ARHGAP32: variants seen among roughly 807,000 people sequenced by gnomAD.
ARHGAP32 encodes the protein rho GTPase-activating protein 32.
Under a neutral mutation model 186.5 loss-of-function variants are expected in ARHGAP32, and 51 were observed. The observed-to-expected ratio is 0.27, with a 90% CI of 0.22 to 0.35. The LOEUF (loss-of-function observed/expected upper bound fraction) is 0.35, where lower values mean the gene tolerates loss of function less well. Among genes scored for constraint, ARHGAP32 ranks in the 10% least tolerant of loss-of-function variants. ARHGAP32 has a pLI of 1.00. For synonymous variants in ARHGAP32, 950 were observed against 964.3 expected (o/e 0.99, Z 0.27); for missense variants, 2,186 against 2,623.5 (o/e 0.83, Z 3.64).
intron 2 of ARHGAP32, among the ~76,000 whole-genome samples, chr11:129,141,554 C>T (rs1329821753): frequency 6.6e-6 from 1 of 150,650 alleles, no homozygotes; most frequent in Non-Finnish European, 1.5e-5. Flanking sequence ...CAAACCAACA[C>T]AGCACATGTA....
rs1159831252 is a variant in ARHGAP32 at position 128,974,320 on chromosome 11, T to C, written c.2877A>G (p.Glu959=). 1.2e-6 allele frequency: 2 copies of C among 1,614,214 alleles called. No individual in the cohort carries two copies. Among genetic ancestry groups the C allele is most frequent in the South Asian group, 1.1e-5 (1 of 91,086 alleles). Residue 959 remains glutamate, a synonymous_variant, in exon 21 of 23, where the codon GAA becomes GAG. Coordinates refer to ENST00000682385, the MANE Select transcript of ARHGAP32 (RefSeq NM_001378024.1). ...TGGGGGATCTATTTGTGGCATCCCT[T>C]TCTTCAACGCATTTGTCCCAGGTTG... The part of the protein sequence containing the change: ...SSSTWDKCVE[E]RDATNRSPTQ...
chr11:129,117,488 T>A (rs1471325958), intron 5 of ARHGAP32, among the ~76,000 whole-genome samples: 2 of 152,024 alleles, frequency 1.3e-5, no homozygotes, highest in African/African-American at 4.8e-5. Flanking sequence ...CTTTACTACT[T>A]CTTTCCGCCT....
At chr11:129,193,603 A>AATATATAATATATTATATAATATATATT (rs1944329188), upstream of ARHGAP32, among the ~76,000 whole-genome samples, 1 of 69,714 alleles carries the variant, frequency 1.4e-5, no homozygotes. Context: ...TGTTATATAT[A>AATATATAATATATTATATAATATATATT]ATATATAATA....
At chr11:129,258,040 T>C (rs1365037476) in intron 1 of ARHGAP32, among the ~76,000 whole-genome samples, 1 of 152,208 alleles carries the variant, frequency 6.6e-6, no homozygotes, top group Non-Finnish European at 1.5e-5. Context: ...AAAAAAGTCT[T>C]ATTTTTGTCT....
chr11:129,157,501 G>C (rs1005062678), intron 2 of ARHGAP32, among the ~76,000 whole-genome samples: 1 of 151,920 alleles, frequency 6.6e-6, no homozygotes, highest in South Asian at 2.1e-4. Context: ...TCAACATAAT[G>C]AAATAAAGCG....
At chr11:129,194,555 G>A (rs946304109), upstream of ARHGAP32, among the ~76,000 whole-genome samples, 2 of 152,114 alleles carry the variant, frequency 1.3e-5, no homozygotes, top group African/African-American at 4.8e-5. Flanking sequence ...TGAGGAGTTA[G>A]GAGAAACAAA....
At chr11:129,060,383 A>AGAT (rs1555082360) in intron 10 of ARHGAP32, among the ~76,000 whole-genome samples, 38 of 144,114 alleles carry the variant, frequency 2.6e-4, no homozygotes, top group Admixed American at 1.4e-3. Context: ...ATAGATAGAT[A>AGAT]AGATAGACAG....
chr11:129,112,473 T>A (rs11604170), intron 5 of ARHGAP32, among the ~76,000 whole-genome samples: 30 of 152,222 alleles, frequency 2.0e-4, no homozygotes, highest in African/African-American at 4.8e-4. Flanking sequence ...GTTTTTTTTT[T>A]AAATTAGTTT....
intron 10 of ARHGAP32, among the ~76,000 whole-genome samples, chr11:129,043,925 T>A (rs940908856): frequency 6.6e-6 from 1 of 152,222 alleles, no homozygotes; most frequent in African/African-American, 2.4e-5. Flanking sequence ...AATTAACATA[T>A]CAGTTTTTTT....
At chr11:129,040,482 T>G (rs1939546137) in intron 11 of ARHGAP32, among the ~76,000 whole-genome samples, 2 of 152,306 alleles carry the variant, frequency 1.3e-5, no homozygotes, top group South Asian at 4.1e-4. Flanking sequence ...TTCTAGATAT[T>G]TATGCAGCAC....
At chr11:129,203,375 C>CA (rs938366247) in intron 1 of ARHGAP32, among the ~76,000 whole-genome samples, 1 of 151,960 alleles carries the variant, frequency 6.6e-6, no homozygotes, top group Non-Finnish European at 1.5e-5. Context: ...TAAACAATAA[C>CA]AAAAAACACC....
chr11:129,072,222 T>A (rs1317638990), intron 6 of ARHGAP32, among the ~76,000 whole-genome samples: 3 of 152,230 alleles, frequency 2.0e-5, no homozygotes, highest in Non-Finnish European at 2.9e-5. Flanking sequence ...GTATTTAAAA[T>A]ATATTTTTAA....
At chr11:129,177,545 A>G (rs1233711801) in intron 1 of ARHGAP32, among the ~76,000 whole-genome samples, 11 of 152,226 alleles carry the variant, frequency 7.2e-5, no homozygotes, top group Admixed American at 6.5e-5. Context: ...TTAATAAAAT[A>G]CTGGCAAACT....
Position 128,981,940 on chromosome 11 carries a change from G to A in ARHGAP32, c.1527-4C>T. 2 of 1,551,982 alleles carry A rather than the reference G, an allele frequency of 1.3e-6. No individual in the cohort carries two copies. The highest frequency in any genetic ancestry group is 1.1e-5 in the South Asian group (1 of 87,970). On this transcript the variant is annotated splice_polypyrimidine_tract_variant and splice_region_variant and intron_variant, in intron 15 of 22. Coordinates refer to ENST00000682385, the MANE Select transcript of ARHGAP32 (RefSeq NM_001378024.1). Reference sequence around the variant, plus strand: ...TCTCATCAGGAACTCCAGTGTTCTGGAAATAAAATACAACATATTAACAGA... The same window carrying A: ...TCTCATCAGGAACTCCAGTGTTCTGAAAATAAAATACAACATATTAACAGA...
intron 1 of ARHGAP32, among the ~76,000 whole-genome samples, chr11:129,253,543 T>C (rs1036579961): frequency 6.6e-6 from 1 of 152,134 alleles, no homozygotes; most frequent in African/African-American, 2.4e-5. Flanking sequence ...TGAGGAAAAG[T>C]AGCCCACAAT....
intron 1 of ARHGAP32, among the ~76,000 whole-genome samples, chr11:129,177,133 C>G (rs1279459532): frequency 6.6e-6 from 1 of 151,922 alleles, no homozygotes; most frequent in Non-Finnish European, 1.5e-5. Context: ...GAAATACAAA[C>G]TACCATCAGA....
chr11:129,251,933 CAA>C (rs11443635), intron 1 of ARHGAP32, among the ~76,000 whole-genome samples: 3 of 134,288 alleles, frequency 2.2e-5, no homozygotes, highest in Admixed American at 7.6e-5. Flanking sequence ...GACTTCATCT[CAA>C]AAAAAAAAAA....
At chr11:129,114,288 T>C (rs1942304350) in intron 5 of ARHGAP32, among the ~76,000 whole-genome samples, 1 of 152,156 alleles carries the variant, frequency 6.6e-6, no homozygotes, top group African/African-American at 2.4e-5. Context: ...TTCACTTCTA[T>C]CTCTGCATAT....
At chr11:129,158,610 T>C (rs1489836011) in intron 2 of ARHGAP32, among the ~76,000 whole-genome samples, 1 of 152,098 alleles carries the variant, frequency 6.6e-6, no homozygotes, top group Non-Finnish European at 1.5e-5. Context: ...ACAATAACAG[T>C]GGGAGACTTT....
Sources: allele counts gnomAD v4.1 joint callset (sites outside exome capture counted in the v4.1 genomes callset), GRCh38; gene constraint gnomAD v4.1.1; transcripts MANE v1.5; gene names NCBI Gene and HGNC (gene_info 2026-07-23, HGNC 2026-07-21).